TAB2: variants seen among roughly 807,000 people sequenced by gnomAD.
TAB2 encodes TGF-beta activated kinase 1 (MAP3K7) binding protein 2.
A neutral mutation model predicts 65.0 loss-of-function variants in TAB2; 3 were observed. That is an observed-to-expected ratio of 0.05 (90% CI 0.02 to 0.12). TAB2 has a LOEUF of 0.12. Ranked by LOEUF, TAB2 falls within the 10% of genes least tolerant of loss-of-function variation. The probability of loss-of-function intolerance (pLI) is 1.00; values close to 1 mark genes in which losing one functional copy is unlikely to be tolerated. For synonymous variants in TAB2, 298 were observed against 285.1 expected (o/e 1.05, Z -0.46); for missense variants, 623 against 840.3 (o/e 0.74, Z 3.20).
chr6:149,248,264 C>T (rs1404063701), intron 1 of TAB2, among the ~76,000 whole-genome samples: 11 of 151,880 alleles, frequency 7.2e-5, no homozygotes, highest in Admixed American at 7.2e-4. Flanking sequence ...TGGTGGCAGG[C>T]GCCTGTAATC....
At chr6:149,271,236 A>T (rs1353176370) in intron 1 of TAB2, among the ~76,000 whole-genome samples, 1 of 152,054 alleles carries the variant, frequency 6.6e-6, no homozygotes, top group Non-Finnish European at 1.5e-5. Context: ...TTTAAAAAAG[A>T]ATATTATTGA....
chr6:149,339,969 A>G (rs1336568058), intron 1 of TAB2, among the ~76,000 whole-genome samples: 2 of 151,960 alleles, frequency 1.3e-5, no homozygotes, highest in African/African-American at 2.4e-5. Context: ...TTTACGATTC[A>G]TAAGTAATAA....
intron 5 of TAB2, among the ~76,000 whole-genome samples, chr6:149,398,767 C>T (rs237027): frequency 0.13 from 19,550 of 151,938 alleles, 1,332 homozygotes; most frequent in African/African-American, 0.18. Flanking sequence ...CATGTTTGAT[C>T]GTTTAAAATT....
intron 3 of TAB2, chr6:149,380,064 A>G: frequency 2.5e-6 from 1 of 397,418 alleles, no homozygotes; most frequent in Non-Finnish European, 4.9e-6. Flanking sequence ...ACATATGGAG[A>G]CTCCGTCTCT....
At chr6:149,408,476 T>C (rs938793769) in intron 6 of TAB2, among the ~76,000 whole-genome samples, 1 of 152,198 alleles carries the variant, frequency 6.6e-6, no homozygotes, top group Non-Finnish European at 1.5e-5. Context: ...TGTCATAAAA[T>C]TTGACTTCTG....
intron 1 of TAB2, chr6:149,246,470 C>T (rs1285839917): frequency 6.6e-6 from 1 of 152,172 alleles, no homozygotes; most frequent in Non-Finnish European, 1.5e-5. Flanking sequence ...TTTCTAAAAC[C>T]GCTAATCAGA....
intron 1 of TAB2, among the ~76,000 whole-genome samples, chr6:149,306,642 C>G (rs546564562): frequency 1.1e-4 from 16 of 152,014 alleles, no homozygotes; most frequent in Admixed American, 2.6e-4. Flanking sequence ...GTCCCAGCTA[C>G]TTGGAAAGCT....
At chr6:149,317,018 T>C (rs1779271203), upstream of TAB2, among the ~76,000 whole-genome samples, 1 of 150,014 alleles carries the variant, frequency 6.7e-6, no homozygotes, top group Non-Finnish European at 1.5e-5. This position sits in a 1 kb window ranked among gnomAD's most constrained non-coding sequence, Gnocchi z 4.7. Context: ...CCTGCTCCTC[T>C]CGGCCGCCGC....
chr6:149,349,919 A>ACATG (rs914880939), intron 1 of TAB2, among the ~76,000 whole-genome samples: 3 of 151,256 alleles, frequency 2.0e-5, no homozygotes, highest in Non-Finnish European at 4.4e-5. Flanking sequence ...GAACTAACAT[A>ACATG]CATGCATGCA....
At chr6:149,252,107 A>G (rs1268156727) in intron 1 of TAB2, among the ~76,000 whole-genome samples, 1 of 152,198 alleles carries the variant, frequency 6.6e-6, no homozygotes, top group Non-Finnish European at 1.5e-5. Flanking sequence ...GAGAAAAGCA[A>G]TGAACCTTAA....
chr6:149,394,217 ATTCT>A (rs1470948180), intron 3 of TAB2, among the ~76,000 whole-genome samples: 6 of 152,160 alleles, frequency 3.9e-5, no homozygotes, highest in South Asian at 2.1e-4. Context: ...TGTCCAAGGA[ATTCT>A]TTATCTCTGA....
At chr6:149,394,562 A>G (rs1299237231) in intron 3 of TAB2, among the ~76,000 whole-genome samples, 2 of 152,326 alleles carry the variant, frequency 1.3e-5, no homozygotes, top group African/African-American at 4.8e-5. Flanking sequence ...ATTTGCACCC[A>G]GAAATGAGGA....
At chr6:149,228,516 G>C (rs1777332297) in intron 1 of TAB2, among the ~76,000 whole-genome samples, 1 of 152,174 alleles carries the variant, frequency 6.6e-6, no homozygotes, top group Non-Finnish European at 1.5e-5. Flanking sequence ...TGGCTCCCCA[G>C]CCTGTGACAG....
chr6:149,386,890 T>G (rs939553036), intron 3 of TAB2, among the ~76,000 whole-genome samples: 7 of 152,228 alleles, frequency 4.6e-5, no homozygotes, highest in Non-Finnish European at 7.3e-5. Context: ...TTTCATGTGC[T>G]TACTGGCCAT....
intron 1 of TAB2, chr6:149,342,826 A>G (rs562766236): frequency 1.3e-5 from 2 of 152,292 alleles, no homozygotes; most frequent in East Asian, 3.9e-4. Flanking sequence ...GAATTTTTCT[A>G]TTTCCAGGTA....
chr6:149,231,289 C>T (rs1003630667), intron 1 of TAB2, among the ~76,000 whole-genome samples: 1 of 152,170 alleles, frequency 6.6e-6, no homozygotes, highest in African/African-American at 2.4e-5. Context: ...GCCTTGTGAG[C>T]TTGAACAGTC....
intron 1 of TAB2, among the ~76,000 whole-genome samples, chr6:149,232,347 C>T (rs1329743416): frequency 6.6e-6 from 1 of 152,118 alleles, no homozygotes; most frequent in Non-Finnish European, 1.5e-5. Context: ...CCTACCTCAG[C>T]CCCCCAAGTA....
intron 6 of TAB2, chr6:149,400,999 C>G (rs1442676171): frequency 3.8e-6 from 1 of 264,928 alleles, no homozygotes; most frequent in African/African-American, 2.2e-5. Context: ...TCATTCAGGT[C>G]TTATCTTTAT....
intron 6 of TAB2, among the ~76,000 whole-genome samples, chr6:149,407,800 TAA>T (rs1298422561): frequency 6.6e-6 from 1 of 151,960 alleles, no homozygotes; most frequent in East Asian, 1.9e-4. Flanking sequence ...ATCATAATTC[TAA>T]GTTTACCAAG....
Sources: gnomAD v4.1 joint callset for allele counts (sites outside exome capture counted in the v4.1 genomes callset) on GRCh38, gnomAD v4.1.1 for gene constraint, Gnocchi (gnomAD v3.1) non-coding constraint, MANE v1.5 for transcripts, NCBI Gene and HGNC (gene_info 2026-07-23, HGNC 2026-07-21) for gene names.